Variants in IFI16 observed in about 807,000 individuals in gnomAD.
IFI16 encodes the protein interferon gamma inducible protein 16.
IFI16 carries 49 observed loss-of-function variants against 68.4 expected under a neutral mutation model. That is an observed-to-expected ratio of 0.72 (90% CI 0.57 to 0.91). The LOEUF is 0.91. Ranked by LOEUF, IFI16 falls within the 40% of genes least tolerant of loss-of-function variation. IFI16 has a pLI of 0.00. For missense variants in IFI16, 878 were observed against 942.9 expected (o/e 0.93, Z 0.90); for synonymous variants, 307 against 315.0 (o/e 0.97, Z 0.27).
chr1:159,031,407 C>T (rs1262180244), intron 6 of IFI16, among the ~76,000 whole-genome samples: 2 of 152,212 alleles, frequency 1.3e-5, no homozygotes, highest in African/African-American at 2.4e-5. Flanking sequence ...GTTTTCTTCT[C>T]CCTGTGGTAT....
At chr1:159,026,685 C>T (rs1457713220) in intron 6 of IFI16, among the ~76,000 whole-genome samples, 1 of 152,198 alleles carries the variant, frequency 6.6e-6, no homozygotes, top group Non-Finnish European at 1.5e-5. Flanking sequence ...TGATTTCTTT[C>T]AGCAGTGTTT....
chr1:159,032,627 C>T lies in IFI16; in HGVS notation c.1265C>T (p.Pro422Leu). ...CCTTCAGAGGCCAGCACAACCTTCC[C>T]TGAGAGCCATCTTCGGACTCCTCAG... Reference protein sequence around the residue: ...PYPSEASTTFPESHLRTPQMP... With the variant: ...PYPSEASTTFLESHLRTPQMP... Residue 422 changes from proline (P) to leucine (L), a missense_variant, in exon 7 of 12, where the codon CCT becomes CTT. Physicochemically the swap from Pro to Leu is moderately conservative, Grantham distance 98. Coordinates refer to ENST00000295809, the MANE Select transcript of IFI16 (RefSeq NM_001376587.1). 2 of 1,613,096 alleles carry T rather than the reference C, an allele frequency of 1.2e-6. No homozygotes were observed. Among genetic ancestry groups the T allele is most frequent in the Non-Finnish European group, 1.7e-6 (2 of 1,179,560 alleles).
At chr1:159,008,507 C>T (rs1557859765), upstream of IFI16, among the ~76,000 whole-genome samples, 1 of 152,094 alleles carries the variant, frequency 6.6e-6, no homozygotes, top group Admixed American at 6.6e-5. Context: ...GCTGGAGTCC[C>T]AATTGAGGAC....
chr1:159,032,709 C>G lies in IFI16; in HGVS notation c.1329+18C>G, dbSNP rs1654077929. 1 of 1,561,942 alleles carries G rather than the reference C, an allele frequency of 6.4e-7. No homozygotes were observed. On this transcript the variant is annotated intron_variant, in intron 7 of 11. Coordinates refer to ENST00000295809, the MANE Select transcript of IFI16 (RefSeq NM_001376587.1). ...TCACCAAGGTACAATTTCCTGGGTC[C>G]CATGCCTCATGTCTCCCCACCATAA...
chr1:159,043,945 A>G (rs1393942049), intron 7 of IFI16, among the ~76,000 whole-genome samples: 2 of 152,236 alleles, frequency 1.3e-5, no homozygotes, highest in Admixed American at 1.3e-4. Flanking sequence ...CTTCTCTCCT[A>G]TTATGCTTCC....
chr1:159,052,218 C>A (rs1192961582), intron 10 of IFI16, 120 bp downstream of exon 10: 2 of 686,044 alleles, frequency 2.9e-6, no homozygotes, highest in Non-Finnish European at 4.9e-6. Context: ...CTTCACCCTT[C>A]CCCCAGCACT....
intron 10 of IFI16, 31 bp downstream of exon 10, chr1:159,052,129 C>T: frequency 6.6e-7 from 1 of 1,525,638 alleles, no homozygotes; most frequent in South Asian, 1.2e-5. Context: ...TATAAAATTT[C>T]TCCTGCAACC....
chr1:159,032,416 G>C, intron 6 of IFI16, 108 bp from the exon 7 acceptor site: 1 of 638,328 alleles, frequency 1.6e-6, no homozygotes, highest in Non-Finnish European at 2.5e-6. Flanking sequence ...ATGTTTGGAA[G>C]TAATGAGACC....
At chr1:159,001,405 T>G (rs750329570), upstream of IFI16, among the ~76,000 whole-genome samples, 20 of 152,222 alleles carry the variant, frequency 1.3e-4, no homozygotes, top group Admixed American at 2.6e-4. Context: ...AATTCTGAGT[T>G]ATTACTTTTA....
chr1:159,004,508 C>T (rs1368739235), upstream of IFI16, among the ~76,000 whole-genome samples: 1 of 152,038 alleles, frequency 6.6e-6, no homozygotes, highest in East Asian at 1.9e-4. Context: ...AGTTTGAGAC[C>T]AGCCTGGCCA....
At chr1:159,022,665 T>C (rs887860654) in intron 6 of IFI16, among the ~76,000 whole-genome samples, 34 of 152,220 alleles carry the variant, frequency 2.2e-4, no homozygotes, top group Non-Finnish European at 3.8e-4. Flanking sequence ...ACCTAATGCT[T>C]GCTTGGATCA....
chr1:159,001,145 A>G (rs1652044238), upstream of IFI16, among the ~76,000 whole-genome samples: 1 of 152,212 alleles, frequency 6.6e-6, no homozygotes, highest in African/African-American at 2.4e-5. Flanking sequence ...TGTGTGTAGA[A>G]CTACATATTG....
In IFI16 at chr1:159,018,605, A is replaced by G; in HGVS notation, c.926A>G (p.Lys309Arg). Residue 309 changes from lysine (K) to arginine (R), a missense_variant, in exon 5 of 12, where the codon AAA becomes AGA. Physicochemically the swap from Lys to Arg is conservative, Grantham distance 26 (BLOSUM62 2). Around this residue, in one of 4 missense-constraint regions of IFI16, gnomAD observed 443 missense variants for 421.8 expected, o/e 1.05. Coordinates refer to ENST00000295809, the MANE Select transcript of IFI16 (RefSeq NM_001376587.1). ...ACTCTGAAGATTGATATTCTTCACA[A>G]ACAAGCTTCAGGAAATATTGTATAT... ...KETLKIDILH[K>R]QASGNIVYGV... The G allele has an allele frequency of 6.2e-7, 1 of 1,613,484 alleles. No individual in the cohort carries two copies. The highest frequency in any genetic ancestry group is 8.5e-7 in the Non-Finnish European group (1 of 1,179,654).
chr1:159,030,877 G>GC (rs1553209154), intron 6 of IFI16, among the ~76,000 whole-genome samples: 3 of 466 alleles, frequency 6.4e-3, no homozygotes, highest in African/African-American at 0.013. Context: ...GGTGGTGGGT[G>GC]GGGGGGCCAC....
At chr1:159,001,965 G>A (rs1652076371), upstream of IFI16, among the ~76,000 whole-genome samples, 1 of 152,164 alleles carries the variant, frequency 6.6e-6, no homozygotes, top group Non-Finnish European at 1.5e-5. Context: ...AGCTGACACT[G>A]GGTAGCAACT....
At chr1:159,025,476 G>A (rs1029365765) in intron 6 of IFI16, among the ~76,000 whole-genome samples, 1 of 151,950 alleles carries the variant, frequency 6.6e-6, no homozygotes, top group African/African-American at 2.4e-5. Flanking sequence ...CAATTTTAAT[G>A]TCTGACCATA....
At chr1:159,043,654 A>T (rs1377511563) in intron 7 of IFI16, among the ~76,000 whole-genome samples, 1 of 152,144 alleles carries the variant, frequency 6.6e-6, no homozygotes, top group Non-Finnish European at 1.5e-5. Flanking sequence ...CAAAGCCGGA[A>T]ACAGACTATT....
intron 11 of IFI16, among the ~76,000 whole-genome samples, chr1:159,054,425 A>T (rs1655555875): frequency 6.6e-6 from 1 of 152,204 alleles, no homozygotes. Flanking sequence ...CAGCAGTCAA[A>T]CATTTCAAAC....
At chr1:159,018,098 C>G (rs1337259977) in intron 4 of IFI16, 131 bp from the exon 5 acceptor site, 2 of 705,956 alleles carry the variant, frequency 2.8e-6, no homozygotes, top group African/African-American at 1.8e-5. Context: ...CGCAATCCCT[C>G]TCTATCCTGA....
Sources: gnomAD v4.1 joint callset for allele counts (sites outside exome capture counted in the v4.1 genomes callset) on GRCh38, gnomAD v4.1.1 for gene constraint, gnomAD v4.1.1 regional missense constraint, MANE v1.5 for transcripts, NCBI Gene and HGNC (gene_info 2026-07-23, HGNC 2026-07-21) for gene names.